STUB1: variants seen among roughly 807,000 people sequenced by gnomAD.
STUB1 encodes the protein STIP1 homology and U-box containing protein 1.
Under a neutral mutation model 40.3 loss-of-function variants are expected in STUB1, and 37 were observed. The observed-to-expected ratio is 0.92, with a 90% CI of 0.71 to 1.21. STUB1 has a LOEUF of 1.21. Among genes scored for constraint, STUB1 ranks in the 50% most tolerant of loss-of-function variants. The pLI, the probability that STUB1 is intolerant of heterozygous loss-of-function variation, is 0.00. For synonymous variants in STUB1, 246 were observed against 171.9 expected (o/e 1.43, Z -3.37); for missense variants, 460 against 421.9 (o/e 1.09, Z -0.79).
In STUB1 at chr16:682,698, G is replaced by C. The variant is rs916199021; in HGVS notation, c.*209G>C. 1.4e-6 allele frequency: 2 copies of C among 1,476,358 alleles called. No individual in the cohort carries two copies. The highest frequency in any genetic ancestry group is 1.9e-6 in the Non-Finnish European group (2 of 1,079,442). The allele number at this position is 1,476,358 out of a possible 1,614,324, so 91.5% of individuals were successfully genotyped here. On this transcript the variant is annotated 3_prime_UTR_variant, in exon 7 of 7. Transcript: ENST00000219548. ...GGAAAAGCAGGTGAGGGTGGGCTGG[G>C]CTGAGGCCATTGCCGCCACTATCTG...
At position 682,150 on chromosome 16, in the gene STUB1, G is replaced by T. The variant is rs1420011263; in HGVS notation, c.670-15G>T. The T allele has an allele frequency of 1.5e-5, 24 of 1,598,624 alleles. No homozygotes were observed. The highest frequency in any genetic ancestry group is 2.0e-5 in the Non-Finnish European group (23 of 1,167,698). Reference sequence around the variant, plus strand: ...GCCCCTTTTCAGCCTCTGACCGTGTGCCCCTGTGCCACAGAAGCGAGACAT... The same window carrying T: ...GCCCCTTTTCAGCCTCTGACCGTGTTCCCCTGTGCCACAGAAGCGAGACAT... On this transcript the variant is annotated splice_polypyrimidine_tract_variant and intron_variant, in intron 5 of 6. Coordinates refer to ENST00000219548, the MANE Select transcript of STUB1 (RefSeq NM_005861.4).
rs2039683136 is a variant in STUB1 at position 682,040 on chromosome 16, G to A, written c.633G>A (p.Met211Ile). The A allele has an allele frequency of 3.1e-6, 5 of 1,590,492 alleles. No homozygotes were observed. Among genetic ancestry groups the A allele is most frequent in the East Asian group, 2.3e-5 (1 of 44,338 alleles). The change falls in exon 5 of 7, where the codon ATG (methionine) becomes ATA (isoleucine). Residue 211 changes from methionine to isoleucine, a missense_variant. Coordinates refer to ENST00000219548, the MANE Select transcript of STUB1 (RefSeq NM_005861.4). ...EAKHDKYMAD[M>I]DELFSQVDEK... The stretch of plus-strand genomic sequence containing the variant: ...CACAGGACAAGTACATGGCGGACAT[G>A]GACGAGCTTTTTTCTCAGGTGGATG...
At chr16:681,945 C>G (rs1398817019) in intron 4 of STUB1, 65 bp downstream of exon 4, 2 of 1,612,846 alleles carry the variant, frequency 1.2e-6, no homozygotes, top group Middle Eastern at 1.6e-4. Flanking sequence ...GCATCCCCGC[C>G]TTGTGTTGGG....
Position 680,916 on chromosome 16 carries a change from G to C in STUB1, c.159+232G>C, listed in dbSNP as rs1415534775. On this transcript the variant is annotated intron_variant, in intron 1 of 6. Coordinates refer to ENST00000219548, the MANE Select transcript of STUB1 (RefSeq NM_005861.4). This position sits in a 1 kb window ranked among gnomAD's most constrained non-coding sequence, Gnocchi z 4.9. ...GGGCCCTCGACCCTTGAGGACCCCAGGTCCTAAGCCCGGACTCTCCAAAGA... is the reference window on the plus strand; with the variant it reads ...GGGCCCTCGACCCTTGAGGACCCCACGTCCTAAGCCCGGACTCTCCAAAGA... The C allele has an allele frequency of 4.6e-6, 3 of 646,538 alleles. No individual in the cohort carries two copies. The highest frequency in any genetic ancestry group is 3.0e-5 in the East Asian group (1 of 33,296). 40.1% of individuals were successfully genotyped at this position (646,538 alleles called of 1,614,324 possible).
Position 682,188 on chromosome 16 carries a change from G to T in STUB1, c.693G>T (p.Leu231=). 1 of 1,610,138 alleles carries T rather than the reference G, an allele frequency of 6.2e-7. No individual in the cohort carries two copies. Among genetic ancestry groups the T allele is most frequent in the East Asian group, 2.2e-5 (1 of 44,754 alleles). The change falls in exon 6 of 7, where the codon CTG becomes CTT. Residue 231 remains leucine, a synonymous_variant. Transcript: ENST00000219548. ...KRKKRDIPDY[L]CGKISFELMR... is the part of the protein sequence containing the mutation. The stretch of plus-strand genomic sequence containing the variant: ...AGAAGCGAGACATCCCCGACTACCT[G>T]TGTGGCAAGATCAGCTTTGAGCTGA...
Position 681,863 on chromosome 16 carries a change from T to C in STUB1, c.595T>C (p.Cys199Arg). ...CAGCCACGTCCGGGCCCAGCAGGCC[T>C]GCATTGAGGCCAAGCACGTGAGGGT... ...DDSHVRAQQA[C>R]IEAKHDKYMA... is the part of the protein sequence containing the mutation. Residue 199 changes from cysteine to arginine, a missense_variant, in exon 4 of 7, where the codon TGC becomes CGC. Transcript: ENST00000219548. 2.5e-6 allele frequency: 4 copies of C among 1,612,812 alleles called. No individual in the cohort carries two copies. Among genetic ancestry groups the C allele is most frequent in the Non-Finnish European group, 3.4e-6 (4 of 1,179,924 alleles).
rs2039630682 is a variant in STUB1, at chr16:680,439, G to A, written c.-87G>A. 8.9e-7 allele frequency: 1 copy of A among 1,119,658 alleles called. No individual in the cohort carries two copies. The highest frequency in any genetic ancestry group is 1.1e-6 in the Non-Finnish European group (1 of 908,952). 69.4% of individuals were successfully genotyped at this position (1,119,658 alleles called of 1,614,324 possible). ...CTGGGCCGGGCCCGAGCGGATCGCGGGCTCGGGCTGCGGGGCTCCGGCTGC... is the reference window on the plus strand; with the variant it reads ...CTGGGCCGGGCCCGAGCGGATCGCGAGCTCGGGCTGCGGGGCTCCGGCTGC... On this transcript the variant is annotated 5_prime_UTR_variant, in exon 1 of 7. Coordinates refer to ENST00000219548, the MANE Select transcript of STUB1 (RefSeq NM_005861.4). This position sits in a 1 kb window ranked among gnomAD's most constrained non-coding sequence, Gnocchi z 4.9.
Position 680,562 on chromosome 16 carries a change from C to T in STUB1, c.37C>T (p.Leu13=). The T allele has an allele frequency of 7.3e-7, 1 of 1,371,062 alleles. No homozygotes were observed. Among genetic ancestry groups the T allele is most frequent in the African/African-American group, 1.5e-5 (1 of 66,258 alleles). The allele number at this position is 1,371,062 out of a possible 1,614,324, so 84.9% of individuals were successfully genotyped here. ...GKEEKEGGAR[L]GAGGGSPEKS... is the part of the protein sequence containing the mutation. ...GGAGGAGAAGGAGGGCGGCGCACGG[C>T]TGGGCGCTGGCGGCGGAAGCCCCGA... Residue 13 remains leucine (L), a synonymous_variant, in exon 1 of 7, where the codon CTG becomes TTG. Transcript: ENST00000219548. This position sits in a 1 kb window ranked among gnomAD's most constrained non-coding sequence, Gnocchi z 4.9.
intron 5 of STUB1, 24 bp downstream of exon 5, chr16:682,100 G>A (rs531432581): frequency 1.2e-4 from 196 of 1,582,368 alleles, no homozygotes; most frequent in Non-Finnish European, 1.6e-4. Flanking sequence ...GCTTGCTGCC[G>A]ATGGCTGGCA....
At position 681,224 on chromosome 16, in the gene STUB1, C is replaced by T. The variant is rs767421931; in HGVS notation, c.232C>T (p.Gln78Ter). 6.2e-7 allele frequency: 1 copy of T among 1,611,086 alleles called. No homozygotes were observed. Among genetic ancestry groups the T allele is most frequent in the South Asian group, 1.1e-5 (1 of 90,752 alleles). Reference protein sequence around the residue: ...LCYLKMQQHEQALADCRRALE... With the variant: ...LCYLKMQQHE Reference sequence around the variant, plus strand: ...CTACCTGAAGATGCAGCAGCACGAGCAGGCCCTGGCCGACTGCCGGCGCGC... The same window carrying T: ...CTACCTGAAGATGCAGCAGCACGAGTAGGCCCTGGCCGACTGCCGGCGCGC... The change falls in exon 2 of 7, where the codon CAG becomes TAG. Residue 78 changes from glutamine (Q) to a stop codon, truncating the protein, a stop_gained. Coordinates refer to ENST00000219548, the MANE Select transcript of STUB1 (RefSeq NM_005861.4). LOFTEE classifies it high-confidence loss of function.
chr16:682,194 C>G lies in STUB1; in HGVS notation c.699C>G (p.Gly233=). Residue 233 remains glycine (G), a synonymous_variant, in exon 6 of 7, where the codon GGC becomes GGG. Transcript: ENST00000219548. ...GAGACATCCCCGACTACCTGTGTGG[C>G]AAGATCAGCTTTGAGCTGATGCGGG... ...KKRDIPDYLC[G]KISFELMREP... The G allele has an allele frequency of 2.5e-6, 4 of 1,611,010 alleles. No individual in the cohort carries two copies. Among genetic ancestry groups the G allele is most frequent in the South Asian group, 1.1e-5 (1 of 91,050 alleles).
At position 682,341 on chromosome 16, in the gene STUB1, CTCTGCCCT is replaced by C. The variant is rs1567282780; in HGVS notation, c.787-19_787-12del. The C allele has an allele frequency of 6.2e-7, 1 of 1,613,062 alleles. No homozygotes were observed. The highest frequency in any genetic ancestry group is 1.1e-5 in the South Asian group (1 of 91,086). On this transcript the variant is annotated splice_polypyrimidine_tract_variant and intron_variant, in intron 6 of 6. Coordinates refer to ENST00000219548, the MANE Select transcript of STUB1 (RefSeq NM_005861.4). Reference sequence around the variant, plus strand: ...CATGGTCCTGGGCCCCATGACTGCCCTCTGCCCTTCTTGTCACTGCAGCGTGTGGGTCA... The same window carrying C: ...CATGGTCCTGGGCCCCATGACTGCCCTCTTGTCACTGCAGCGTGTGGGTCA...
rs982856401 is a variant in STUB1 at position 682,668 on chromosome 16, G to A, written c.*179G>A. On this transcript the variant is annotated 3_prime_UTR_variant, in exon 7 of 7. Transcript: ENST00000219548. ...CTGGGCCGTGATCGTCCCCCTTTGTGGGCTGGAAAAGCAGGTGAGGGTGGG... is the reference window on the plus strand; with the variant it reads ...CTGGGCCGTGATCGTCCCCCTTTGTAGGCTGGAAAAGCAGGTGAGGGTGGG... The A allele has an allele frequency of 2.1e-6, 3 of 1,413,900 alleles. No individual in the cohort carries two copies. The highest frequency in any genetic ancestry group is 2.4e-5 in the East Asian group (1 of 41,856). 87.6% of individuals were successfully genotyped at this position (1,413,900 alleles called of 1,614,324 possible). A position where few individuals can be genotyped will look rare whatever the true frequency, so the allele number is the denominator to read the frequency against.
At position 681,588 on chromosome 16, in the gene STUB1, C is replaced by G. The variant is rs750506956; in HGVS notation, c.509C>G (p.Ala170Gly). The G allele has an allele frequency of 6.2e-7, 1 of 1,608,832 alleles. No homozygotes were observed. The highest frequency in any genetic ancestry group is 1.1e-5 in the South Asian group (1 of 90,822). ...CACTCCTACCTCTCCAGGCTCATTG[C>G]CGCGGAGCGTGAGAGGTGGGACCCT... Reference protein sequence around the residue: ...ELHSYLSRLIAAERERELEEC... With the variant: ...ELHSYLSRLIGAERERELEEC... The change falls in exon 3 of 7, where the codon GCC becomes GGC. Residue 170 changes from alanine to glycine, a missense_variant. Physicochemically the swap from Ala to Gly is moderately conservative, Grantham distance 60. Transcript: ENST00000219548.
rs200514887 is a variant in STUB1, at chr16:681,845, G to T, written c.577G>T (p.Val193Phe). The change falls in exon 4 of 7, where the codon GTC becomes TTC. Residue 193 changes from valine to phenylalanine, a missense_variant. Val to Phe is a conservative substitution (Grantham distance 50). Transcript: ENST00000219548. The stretch of plus-strand genomic sequence containing the variant: ...CGAGGGTGATGAGGACGACAGCCAC[G>T]TCCGGGCCCAGCAGGCCTGCATTGA... ...NHEGDEDDSH[V>F]RAQQACIEAK... 5.0e-6 allele frequency: 8 copies of T among 1,611,768 alleles called. No homozygotes were observed. In the East Asian group the frequency reaches 1.3e-4, roughly 27 times the overall value.
In STUB1 at chr16:681,084, G is replaced by C. The variant is rs934133750; in HGVS notation, c.160-68G>C. On this transcript the variant is annotated intron_variant, in intron 1 of 6. Coordinates refer to ENST00000219548, the MANE Select transcript of STUB1 (RefSeq NM_005861.4). ...CTAGCCAGAGCGCAGAAGCTGGGAC[G>C]GGCCGTGGGTCAGAGTGGGCACGCT... is the stretch of plus-strand genomic sequence containing the variant. 25 of 1,455,536 alleles carry C rather than the reference G, an allele frequency of 1.7e-5. No individual in the cohort carries two copies. In the Admixed American group the frequency reaches 3.0e-4, roughly 18 times the overall value. 90.2% of individuals were successfully genotyped at this position (1,455,536 alleles called of 1,614,324 possible).
In STUB1 at chr16:682,686, A is replaced by G; in HGVS notation, c.*197A>G. Reference sequence around the variant, plus strand: ...CCTTTGTGGGCTGGAAAAGCAGGTGAGGGTGGGCTGGGCTGAGGCCATTGC... The same window carrying G: ...CCTTTGTGGGCTGGAAAAGCAGGTGGGGGTGGGCTGGGCTGAGGCCATTGC... On this transcript the variant is annotated 3_prime_UTR_variant, in exon 7 of 7. Transcript: ENST00000219548. 7.0e-7 allele frequency: 1 copy of G among 1,435,476 alleles called. No homozygotes were observed. Among genetic ancestry groups the G allele is most frequent in the Non-Finnish European group, 9.5e-7 (1 of 1,048,196 alleles). The allele number at this position is 1,435,476 out of a possible 1,614,324, so 88.9% of individuals were successfully genotyped here.
In STUB1 at chr16:680,818, C is replaced by T; in HGVS notation, c.159+134C>T. Reference sequence around the variant, plus strand: ...GCTCCCAAAGCCCAGCCGTGGTTCTCGAGCCCAGCGCCGGGTGCCGGAGAA... The same window carrying T: ...GCTCCCAAAGCCCAGCCGTGGTTCTTGAGCCCAGCGCCGGGTGCCGGAGAA... On this transcript the variant is annotated intron_variant, in intron 1 of 6. Coordinates refer to ENST00000219548, the MANE Select transcript of STUB1 (RefSeq NM_005861.4). This position sits in a 1 kb window ranked among gnomAD's most constrained non-coding sequence, Gnocchi z 4.9. The T allele has an allele frequency of 1.1e-6, 1 of 922,212 alleles. No individual in the cohort carries two copies. The highest frequency in any genetic ancestry group is 1.4e-6 in the Non-Finnish European group (1 of 714,886). 57.1% of individuals were successfully genotyped at this position (922,212 alleles called of 1,614,324 possible).
At chr16:681,091 G>A (rs2039642790) in intron 1 of STUB1, 61 bp from the exon 2 acceptor site, 2 of 1,482,564 alleles carry the variant, frequency 1.3e-6, no homozygotes, top group Non-Finnish European at 1.8e-6. Flanking sequence ...GACGGGCCGT[G>A]GGTCAGAGTG....
Sources: allele counts gnomAD v4.1 joint callset, GRCh38; gene constraint gnomAD v4.1.1; non-coding constraint Gnocchi (gnomAD v3.1); transcripts MANE v1.5; gene names NCBI Gene and HGNC (gene_info 2026-07-23, HGNC 2026-07-21).